Variants in NAALADL2 observed in about 807,000 individuals in gnomAD.
NAALADL2 encodes inactive N-acetylated-alpha-linked acidic dipeptidase-like protein 2.
Under a neutral mutation model 87.2 loss-of-function variants are expected in NAALADL2, and 76 were observed. The ratio of observed to expected loss-of-function variants is 0.87; its 90% confidence interval spans 0.72 to 1.05. The LOEUF (loss-of-function observed/expected upper bound fraction) is 1.05, where lower values mean the gene tolerates loss of function less well. Among genes scored for constraint, NAALADL2 ranks in the 50% least tolerant of loss-of-function variants. The probability of loss-of-function intolerance (pLI) is 0.00; values close to 1 mark genes in which losing one functional copy is unlikely to be tolerated. For missense variants in NAALADL2, 1,089 were observed against 945.8 expected (o/e 1.15, Z -1.99); for synonymous variants, 354 against 331.0 (o/e 1.07, Z -0.75).
At chr3:175,708,646 T>C (rs9840339) in intron 11 of NAALADL2, among the ~76,000 whole-genome samples, 36,034 of 151,470 alleles carry the variant, frequency 0.24, 5,320 homozygotes, top group African/African-American at 0.42. Flanking sequence ...TGTGTTTTGA[T>C]TAAAAACCCT....
chr3:175,087,097 A>G (rs992507029), intron 1 of NAALADL2, among the ~76,000 whole-genome samples: 3 of 152,254 alleles, frequency 2.0e-5, no homozygotes, highest in African/African-American at 4.8e-5. Flanking sequence ...ATCTTGAGAC[A>G]TAGGTATATT....
intron 10 of NAALADL2, among the ~76,000 whole-genome samples, chr3:175,578,553 A>G (rs1011811463): frequency 1.3e-5 from 2 of 152,212 alleles, no homozygotes; most frequent in East Asian, 1.9e-4. Context: ...TATTTAAAAC[A>G]TCACTATAAA....
intron 9 of NAALADL2, among the ~76,000 whole-genome samples, chr3:175,550,983 G>A (rs755315473): frequency 6.6e-6 from 1 of 152,112 alleles, no homozygotes; most frequent in Non-Finnish European, 1.5e-5. Context: ...TATCTGTTGT[G>A]GTAGAGTTGG....
At chr3:175,657,584 T>TTG (rs1731647441) in intron 11 of NAALADL2, among the ~76,000 whole-genome samples, 1 of 151,538 alleles carries the variant, frequency 6.6e-6, no homozygotes, top group African/African-American at 2.4e-5. Context: ...TTACTGTTTT[T>TTG]TTTTTTTTTC....
intron 11 of NAALADL2, among the ~76,000 whole-genome samples, chr3:175,636,437 G>C (rs1206503733): frequency 6.6e-6 from 1 of 152,072 alleles, no homozygotes; most frequent in Non-Finnish European, 1.5e-5. Flanking sequence ...GGTGGCTCAC[G>C]CTTGTAATCC....
At chr3:175,515,477 G>A (rs1731705720) in intron 9 of NAALADL2, among the ~76,000 whole-genome samples, 1 of 151,664 alleles carries the variant, frequency 6.6e-6, no homozygotes, top group African/African-American at 2.4e-5. Flanking sequence ...TTAGCTCAAT[G>A]TTATTTGTGG....
chr3:175,079,970 C>CTTTTTTT (rs754948428), intron 1 of NAALADL2, among the ~76,000 whole-genome samples: 4 of 144,256 alleles, frequency 2.8e-5, no homozygotes, highest in African/African-American at 7.7e-5. Context: ...GAAATATAGA[C>CTTTTTTT]TTTTTTTTTT....
intron 2 of NAALADL2, among the ~76,000 whole-genome samples, chr3:174,652,618 T>TGATTCAGTAACCTCCCAC (rs1724486722): frequency 1.3e-5 from 2 of 152,124 alleles, no homozygotes; most frequent in South Asian, 4.1e-4. Context: ...CCCGCTCCCA[T>TGATTCAGTAACCTCCCAC]GATTCAGTTA....
chr3:175,367,779 T>A (rs1366429734), intron 5 of NAALADL2, among the ~76,000 whole-genome samples: 1 of 152,210 alleles, frequency 6.6e-6, no homozygotes, highest in Non-Finnish European at 1.5e-5. Flanking sequence ...GTTTTCTAGA[T>A]GTACAATCAT....
rs184353597 is a variant in NAALADL2 at position 175,114,681 on chromosome 3, C to T, written c.545+17390C>T. 2.1e-3 allele frequency among the ~76,000 whole-genome samples: 319 copies of T among 151,606 alleles called. 15 individuals are homozygous for T. The highest frequency in any genetic ancestry group is 0.018 in the Admixed American group (277 of 15,164). On this transcript the variant is annotated intron_variant, in intron 2 of 13. Transcript: ENST00000454872. ...GATATTCTAGGATATGCTCTAGAAC[C>T]TAAACCTTTTAGCCATGGTTCAAAT...
At chr3:175,365,291 TATAAA>T (rs1358971546) in intron 5 of NAALADL2, among the ~76,000 whole-genome samples, 1 of 147,596 alleles carries the variant, frequency 6.8e-6, no homozygotes, top group African/African-American at 2.5e-5. Flanking sequence ...TACATATTAA[TATAAA>T]ATAAATATTG....
intron 4 of NAALADL2, among the ~76,000 whole-genome samples, chr3:175,286,471 A>G (rs1754991918): frequency 6.6e-6 from 1 of 152,164 alleles, no homozygotes; most frequent in Admixed American, 6.5e-5. Context: ...TACAACAGAG[A>G]CTCAGCAGAC....
chr3:174,861,764 A>G (rs190789270), intron 1 of NAALADL2, among the ~76,000 whole-genome samples: 44 of 152,208 alleles, frequency 2.9e-4, no homozygotes, highest in African/African-American at 1.0e-3. Flanking sequence ...GATATTATCA[A>G]TGATTATTCA....
chr3:174,684,050 A>G (rs982637353), intron 2 of NAALADL2, among the ~76,000 whole-genome samples: 1 of 152,004 alleles, frequency 6.6e-6, no homozygotes, highest in Non-Finnish European at 1.5e-5. Context: ...TCATGTGCAG[A>G]TTACTTACTA....
At chr3:175,732,609 G>A (rs987180346) in intron 11 of NAALADL2, among the ~76,000 whole-genome samples, 25 of 152,082 alleles carry the variant, frequency 1.6e-4, no homozygotes, top group African/African-American at 5.3e-4. Context: ...GAGAACTTCC[G>A]AGAACATCCT....
intron 11 of NAALADL2, among the ~76,000 whole-genome samples, chr3:175,667,260 A>AGAAAGAAG (rs1733311947): frequency 7.0e-6 from 1 of 143,728 alleles, no homozygotes; most frequent in Non-Finnish European, 1.5e-5. Flanking sequence ...AAAGAAAGAA[A>AGAAAGAAG]GAAAGGAAGG....
rs192188353 is a variant in NAALADL2 at position 175,734,083 on chromosome 3, T to G, written c.1897-3223T>G. Among the ~76,000 whole-genome samples the G allele has an allele frequency of 2.5e-3, 374 of 152,266 alleles. 2 individuals are homozygous for G. Among genetic ancestry groups the G allele is most frequent in the African/African-American group, 8.7e-3 (363 of 41,568 alleles). On this transcript the variant is annotated intron_variant, in intron 11 of 13. Transcript: ENST00000454872. ...TGTTGGTGGATCTACCATTCTGGGG[T>G]CTGAGGACGGTGGCGTGGCCCTCTT...
chr3:174,883,332 G>A (rs1000396570), intron 1 of NAALADL2, among the ~76,000 whole-genome samples: 3 of 152,032 alleles, frequency 2.0e-5, no homozygotes, highest in East Asian at 1.9e-4. Context: ...CAAGTCCACC[G>A]CTTGTCAACC....
intron 5 of NAALADL2, among the ~76,000 whole-genome samples, chr3:175,324,642 A>G (rs1310698201): frequency 6.6e-6 from 1 of 152,216 alleles, no homozygotes; most frequent in Non-Finnish European, 1.5e-5. Flanking sequence ...TACTCCAGGT[A>G]AGCCAATAGC....
Sources: gnomAD v4.1 joint callset for allele counts (sites outside exome capture counted in the v4.1 genomes callset) on GRCh38, gnomAD v4.1.1 for gene constraint, MANE v1.5 for transcripts, NCBI Gene and HGNC (gene_info 2026-07-23, HGNC 2026-07-21) for gene names.